Variants in MAN1A2 observed in about 807,000 individuals in gnomAD.
MAN1A2 encodes mannosyl-oligosaccharide 1,2-alpha-mannosidase IB.
Under a neutral mutation model 75.7 loss-of-function variants are expected in MAN1A2, and 26 were observed. That is an observed-to-expected ratio of 0.34 (90% CI 0.25 to 0.48). The LOEUF (loss-of-function observed/expected upper bound fraction) is 0.48, where lower values mean the gene tolerates loss of function less well. MAN1A2 is among the 20% of genes least tolerant of loss of function. The probability of loss-of-function intolerance (pLI) is 0.99; values close to 1 mark genes in which losing one functional copy is unlikely to be tolerated. For missense variants in MAN1A2, 562 were observed against 775.5 expected (o/e 0.72, Z 3.27); for synonymous variants, 247 against 264.6 (o/e 0.93, Z 0.65).
chr1:117,526,880 C>CTCTCTATATATATATATATATATATATA lies in MAN1A2; in HGVS notation c.*3924_*3925insCTCTATATATATATATATATATATATAT. 1.3e-4 allele frequency: 7 copies of CTCTCTATATATATATATATATATATATA among 54,518 alleles called. No homozygotes were observed. The highest frequency in any genetic ancestry group is 3.5e-4 in the East Asian group (1 of 2,868). The allele number at this position is 54,518 out of a possible 1,614,324, so 3.4% of individuals were successfully genotyped here. A position where few individuals can be genotyped will look rare whatever the true frequency, so the allele number is the denominator to read the frequency against. On this transcript the variant is annotated 3_prime_UTR_variant, in exon 13 of 13. Coordinates refer to ENST00000356554, the MANE Select transcript of MAN1A2 (RefSeq NM_006699.5). ...TCTCTCTCTCTCTCTCTCTCTCTCT[C>CTCTCTATATATATATATATATATATATA]TATATATATATATATATATATATAT...
At chr1:117,417,578 A>AAAATACATT (rs1397136564) in intron 4 of MAN1A2, among the ~76,000 whole-genome samples, 2 of 99,610 alleles carry the variant, frequency 2.0e-5, no homozygotes, top group Non-Finnish European at 4.2e-5. Context: ...ATGTTTTATA[A>AAAATACATT]AAATACATTA....
chr1:117,518,618 G>A (rs10923331), intron 12 of MAN1A2, among the ~76,000 whole-genome samples: 1 of 152,008 alleles, frequency 6.6e-6, no homozygotes, highest in Admixed American at 6.6e-5. Flanking sequence ...AAAAGGTCTT[G>A]TCCAACAGGA....
At chr1:117,413,670 T>G (rs980811289) in intron 3 of MAN1A2, among the ~76,000 whole-genome samples, 1 of 151,976 alleles carries the variant, frequency 6.6e-6, no homozygotes, top group African/African-American at 2.4e-5. Flanking sequence ...TTTGCAACTT[T>G]TATCTTTCTG....
At chr1:117,386,014 C>T (rs776287157) in intron 1 of MAN1A2, among the ~76,000 whole-genome samples, 7 of 152,160 alleles carry the variant, frequency 4.6e-5, no homozygotes, top group Non-Finnish European at 1.0e-4. Context: ...CATAGCATCT[C>T]ATTGCTTACA....
chr1:117,429,998 C>A (rs1648556052), intron 5 of MAN1A2, among the ~76,000 whole-genome samples: 1 of 59,490 alleles, frequency 1.7e-5, no homozygotes, highest in Admixed American at 1.3e-4. Flanking sequence ...CCCCCCACCT[C>A]CCTCCCGGAC....
At chr1:117,490,987 T>C (rs534106194) in intron 8 of MAN1A2, among the ~76,000 whole-genome samples, 25 of 152,168 alleles carry the variant, frequency 1.6e-4, no homozygotes, top group African/African-American at 6.0e-4. Context: ...GGAGAAGAGT[T>C]TGAGGCTTAC....
intron 3 of MAN1A2, among the ~76,000 whole-genome samples, chr1:117,410,748 AT>A (rs141344624): frequency 0.076 from 11,556 of 151,856 alleles, 491 homozygotes; most frequent in Middle Eastern, 0.15. Context: ...GAATAAACAA[AT>A]TTAGTAATGT....
At chr1:117,427,262 A>G (rs910978565) in intron 5 of MAN1A2, among the ~76,000 whole-genome samples, 3 of 152,192 alleles carry the variant, frequency 2.0e-5, no homozygotes, top group Non-Finnish European at 2.9e-5. Flanking sequence ...AACTATGCCC[A>G]GTGACATAAA....
At chr1:117,496,651 C>A in intron 9 of MAN1A2, 112 bp from the exon 10 acceptor site, 1 of 728,308 alleles carries the variant, frequency 1.4e-6, no homozygotes, top group Non-Finnish European at 2.3e-6. Flanking sequence ...GGGAAAGTTA[C>A]TACTTTATAG....
intron 1 of MAN1A2, among the ~76,000 whole-genome samples, chr1:117,389,311 A>G (rs1326692067): frequency 6.6e-6 from 1 of 152,088 alleles, no homozygotes; most frequent in Non-Finnish European, 1.5e-5. Context: ...TTCCATGGAC[A>G]GTGGGTGGGG....
At chr1:117,394,166 C>T (rs1469246111) in intron 1 of MAN1A2, among the ~76,000 whole-genome samples, 1 of 151,758 alleles carries the variant, frequency 6.6e-6, no homozygotes, top group African/African-American at 2.4e-5. Flanking sequence ...ACTGCAAGCT[C>T]TGCCTCCCGG....
At chr1:117,495,559 T>A (rs1651013351) in intron 9 of MAN1A2, among the ~76,000 whole-genome samples, 1 of 151,904 alleles carries the variant, frequency 6.6e-6, no homozygotes, top group African/African-American at 2.4e-5. Flanking sequence ...TACTTTCTTT[T>A]AAAATTATTG....
Position 117,414,726 on chromosome 1 carries a change from G to C in MAN1A2, c.669G>C (p.Met223Ile). The change falls in exon 4 of 13, where the codon ATG becomes ATC. Residue 223 changes from methionine to isoleucine, a missense_variant. Physicochemically the swap from Met to Ile is conservative, Grantham distance 10. Coordinates refer to ENST00000356554, the MANE Select transcript of MAN1A2 (RefSeq NM_006699.5). ...TCCCAAATATAGGAAGTTCACAAAT[G>C]GGTGCTACCATAGTAGATGCTTTGG... ...HSPNIFGSSQ[M>I]GATIVDALDT... is the part of the protein sequence containing the mutation. The C allele has an allele frequency of 6.3e-7, 1 of 1,588,050 alleles. No homozygotes were observed. The highest frequency in any genetic ancestry group is 1.1e-5 in the South Asian group (1 of 89,924).
At chr1:117,429,582 T>A (rs866970518) in intron 5 of MAN1A2, among the ~76,000 whole-genome samples, 1 of 50,398 alleles carries the variant, frequency 2.0e-5, no homozygotes, top group South Asian at 7.2e-4. Flanking sequence ...GGCGGGGGGC[T>A]GACCCCCCCA....
intron 1 of MAN1A2, among the ~76,000 whole-genome samples, chr1:117,371,309 C>A (rs1652959147): frequency 6.6e-6 from 1 of 152,128 alleles, no homozygotes; most frequent in Non-Finnish European, 1.5e-5. Context: ...AAATGTATGC[C>A]TACTGTGGCA....
At position 117,503,204 on chromosome 1, in the gene MAN1A2, C is replaced by A. The variant is rs553988065; in HGVS notation, c.1793+234C>A. ...CTGTTAAAATTTTTTGTTCTTTGCT[C>A]TTTAATGTGCATTAAAATCACCTGG... On this transcript the variant is annotated intron_variant, in intron 12 of 12. Coordinates refer to ENST00000356554, the MANE Select transcript of MAN1A2 (RefSeq NM_006699.5). Among the ~76,000 whole-genome samples the A allele has an allele frequency of 2.1e-3, 315 of 151,588 alleles. 1 individual carries two copies. The highest frequency in any genetic ancestry group is 5.9e-3 in the Admixed American group (90 of 15,154).
In MAN1A2 at chr1:117,523,212, A is replaced by T; in HGVS notation, c.*255A>T. On this transcript the variant is annotated 3_prime_UTR_variant, in exon 13 of 13. Transcript: ENST00000356554. ...CTTTGATCGTTAATGAGGTGGTCAC[A>T]TGAGAAATGATACCTGTTACTACTG... 1.6e-6 allele frequency: 1 copy of T among 610,348 alleles called. No individual in the cohort carries two copies. The allele number at this position is 610,348 out of a possible 1,614,324, so 37.8% of individuals were successfully genotyped here.
At chr1:117,400,663 A>G (rs954432563) in intron 1 of MAN1A2, among the ~76,000 whole-genome samples, 12 of 152,190 alleles carry the variant, frequency 7.9e-5, no homozygotes, top group African/African-American at 2.7e-4. Context: ...TTTGAGATCC[A>G]TTCAAGAAGT....
At chr1:117,419,999 T>A (rs1295840670) in intron 4 of MAN1A2, among the ~76,000 whole-genome samples, 1 of 152,082 alleles carries the variant, frequency 6.6e-6, no homozygotes. Flanking sequence ...TAATTTAGAT[T>A]TCATTTTGAT....
Sources: allele counts gnomAD v4.1 joint callset (sites outside exome capture counted in the v4.1 genomes callset), GRCh38; gene constraint gnomAD v4.1.1; transcripts MANE v1.5; gene names NCBI Gene and HGNC (gene_info 2026-07-23, HGNC 2026-07-21).